KANK1: variants seen among roughly 807,000 people sequenced by gnomAD.
The protein encoded by KANK1 is KN motif and ankyrin repeat domains 1.
In KANK1, 109 loss-of-function variants were observed where a neutral mutation model predicts 106.2. The ratio of observed to expected loss-of-function variants is 1.03; its 90% confidence interval spans 0.88 to 1.20. KANK1 has a LOEUF of 1.20. KANK1 is among the 50% of genes most tolerant of loss of function. The probability of loss-of-function intolerance (pLI) is 0.00; values close to 1 mark genes in which losing one functional copy is unlikely to be tolerated. For synonymous variants in KANK1, 873 were observed against 652.2 expected (o/e 1.34, Z -5.16); for missense variants, 2,399 against 1,710.7 (o/e 1.40, Z -7.10).
chr9:536,414 C>A (rs1443369075), intron 1 of KANK1, among the ~76,000 whole-genome samples: 3 of 114,004 alleles, frequency 2.6e-5, no homozygotes, highest in African/African-American at 9.9e-5. Context: ...ACAGGTCTCA[C>A]TGGAATAAAA....
At chr9:684,822 G>A (rs1282306028) in intron 2 of KANK1, among the ~76,000 whole-genome samples, 3 of 152,078 alleles carry the variant, frequency 2.0e-5, no homozygotes, top group African/African-American at 7.2e-5. Context: ...TCTATAAAAG[G>A]TGGTTTGATT....
chr9:523,131 G>T (rs763376184), intron 1 of KANK1, among the ~76,000 whole-genome samples: 5 of 151,348 alleles, frequency 3.3e-5, no homozygotes, highest in Non-Finnish European at 7.4e-5. Flanking sequence ...TTTTTCTCCA[G>T]TTCCACTCTG....
chr9:740,648 T>C, intron 8 of KANK1, 144 bp from the exon 9 acceptor site: 1 of 891,576 alleles, frequency 1.1e-6, no homozygotes, highest in African/African-American at 1.7e-5. Context: ...TCTCTCACAT[T>C]TCCTTCTAAG....
Position 711,074 on chromosome 9 carries a change from G to A in KANK1, c.308G>A (p.Cys103Tyr). 6.2e-7 allele frequency: 1 copy of A among 1,614,120 alleles called. No homozygotes were observed. The highest frequency in any genetic ancestry group is 8.5e-7 in the Non-Finnish European group (1 of 1,180,028). The change falls in exon 3 of 12, where the codon TGC (cysteine) becomes TAC (tyrosine). Residue 103 changes from cysteine (C) to tyrosine (Y), a missense_variant. Cys to Tyr is a radical substitution (Grantham distance 194). Coordinates refer to ENST00000382297, the MANE Select transcript of KANK1 (RefSeq NM_015158.5). Reference protein sequence around the residue: ...SSSNSDDNKQCPNFLIARSQV... With the variant: ...SSSNSDDNKQYPNFLIARSQV... Reference sequence around the variant, plus strand: ...TCCAACAGTGATGACAACAAGCAGTGCCCCAACTTCCTCATAGCCAGAAGT... The same window carrying A: ...TCCAACAGTGATGACAACAAGCAGTACCCCAACTTCCTCATAGCCAGAAGT...
chr9:737,147 A>C (rs1834009418), intron 7 of KANK1, among the ~76,000 whole-genome samples: 3 of 152,338 alleles, frequency 2.0e-5, no homozygotes, highest in African/African-American at 2.4e-5. Context: ...CAGTAATAGA[A>C]TTAGAATGAC....
chr9:559,019 A>G (rs1032349821), intron 1 of KANK1: 25 of 152,320 alleles, frequency 1.6e-4, no homozygotes, highest in African/African-American at 5.8e-4. Flanking sequence ...TTAGTAGATG[A>G]ATTTGCAAAT....
chr9:504,390 T>C (rs2058630230), upstream of KANK1, among the ~76,000 whole-genome samples: 1 of 151,520 alleles, frequency 6.6e-6, no homozygotes. Flanking sequence ...CCCGCGGGCC[T>C]GGTGGAGTTG....
chr9:632,697 T>A (rs555659571), intron 1 of KANK1, among the ~76,000 whole-genome samples: 3 of 152,280 alleles, frequency 2.0e-5, no homozygotes, highest in South Asian at 4.1e-4. Flanking sequence ...TGTTTTGTTT[T>A]GTTTTTCTTT....
At chr9:546,619 C>T (rs1025247188) in intron 1 of KANK1, among the ~76,000 whole-genome samples, 1 of 152,032 alleles carries the variant, frequency 6.6e-6, no homozygotes, top group African/African-American at 2.4e-5. Context: ...TATAGGTTTT[C>T]ATTTGTTTAT....
At chr9:515,804 T>A (rs1587416122) in intron 1 of KANK1, among the ~76,000 whole-genome samples, 1 of 151,808 alleles carries the variant, frequency 6.6e-6, no homozygotes, top group South Asian at 2.1e-4. Context: ...ATTGTGAGGC[T>A]TCGATGGCAG....
In KANK1 at chr9:598,775, C is replaced by T. The variant is rs1037383913; in HGVS notation, c.-83-78115C>T. 1.8e-4 allele frequency among the ~76,000 whole-genome samples: 27 copies of T among 148,124 alleles called. 2 individuals are homozygous for T. Among genetic ancestry groups the T allele is most frequent in the Admixed American group, 1.2e-3 (18 of 14,906 alleles). ...CCTCCTGAGTAGCTGAGATTACAGG[C>T]GCACACCACTACGCCCAGCTAATTT... On this transcript the variant is annotated intron_variant, in intron 1 of 11. Coordinates refer to ENST00000382297, the MANE Select transcript of KANK1 (RefSeq NM_015158.5).
chr9:689,416 A>G (rs971902691), intron 2 of KANK1, among the ~76,000 whole-genome samples: 1 of 152,146 alleles, frequency 6.6e-6, no homozygotes, highest in Non-Finnish European at 1.5e-5. Context: ...CACCCTCCTC[A>G]TGTGGAAGGC....
Position 722,245 on chromosome 9 carries a change from C to T in KANK1, c.2699-7806C>T, listed in dbSNP as rs140462108. Among the ~76,000 whole-genome samples the T allele has an allele frequency of 9.8e-3, 1,494 of 152,296 alleles. 12 individuals are homozygous for T. Among genetic ancestry groups the T allele is most frequent in the Middle Eastern group, 0.02 (6 of 294 alleles). On this transcript the variant is annotated intron_variant, in intron 3 of 11. Transcript: ENST00000382297. The stretch of plus-strand genomic sequence containing the variant: ...ACAAGGTTAGAATTATGGACGGGCC[C>T]TGAATTCTATTTTATTTATTTTATT...
intron 1 of KANK1, among the ~76,000 whole-genome samples, chr9:509,753 G>A (rs766961594): frequency 6.6e-6 from 1 of 152,116 alleles, no homozygotes; most frequent in Admixed American, 6.6e-5. Context: ...TTAAACTGCT[G>A]CCTGCAGAGT....
chr9:572,310 C>G (rs1004549892), intron 1 of KANK1, among the ~76,000 whole-genome samples: 1 of 151,812 alleles, frequency 6.6e-6, no homozygotes, highest in African/African-American at 2.4e-5. Flanking sequence ...CTTGTGCTGC[C>G]ATACCCAGCT....
chr9:479,243 T>C (rs116172670), intron 3 of KANK1, among the ~76,000 whole-genome samples: 2,547 of 152,372 alleles, frequency 0.017, 62 homozygotes, highest in African/African-American at 0.056. Context: ...GCATAAGCTA[T>C]TAGTCAAAAC....
chr9:613,697 T>C (rs1032346224), intron 1 of KANK1, among the ~76,000 whole-genome samples: 2 of 152,142 alleles, frequency 1.3e-5, no homozygotes, highest in Non-Finnish European at 2.9e-5. Context: ...TCAATGTAAA[T>C]TAAGTAGTAT....
chr9:628,579 C>G lies in KANK1; in HGVS notation c.-83-48311C>G, dbSNP rs1438106489. On this transcript the variant is annotated intron_variant, in intron 1 of 11. Transcript: ENST00000382297. ...AAAGTTTAGATTCCCTGCTTGAGGG[C>G]ACTTGAACCACAGTGGTGGTGAGTT... Among the ~76,000 whole-genome samples, 4 of 152,268 alleles carry G rather than the reference C, an allele frequency of 2.6e-5. No homozygotes were observed. The East Asian group carries it at 7.7e-4, about 29-fold the overall frequency.
At chr9:646,811 C>G (rs762402407) in intron 1 of KANK1, among the ~76,000 whole-genome samples, 1 of 150,274 alleles carries the variant, frequency 6.7e-6, no homozygotes, top group Non-Finnish European at 1.5e-5. Flanking sequence ...GTCTCAGTCT[C>G]CCAAGCAGCT....
Sources: gnomAD v4.1 joint callset for allele counts (sites outside exome capture counted in the v4.1 genomes callset) on GRCh38, gnomAD v4.1.1 for gene constraint, MANE v1.5 for transcripts, NCBI Gene and HGNC (gene_info 2026-07-23, HGNC 2026-07-21) for gene names.